Variants in SYNPR observed in about 807,000 individuals in gnomAD.
The protein encoded by SYNPR is synaptoporin.
In SYNPR, 23 loss-of-function variants were observed where a neutral mutation model predicts 32.9. The ratio of observed to expected loss-of-function variants is 0.70; its 90% CI spans 0.50 to 0.99. SYNPR has a LOEUF of 0.99. SYNPR is among the 50% of genes least tolerant of loss of function. The pLI, the probability that SYNPR is intolerant of heterozygous loss-of-function variation, is 0.00. For synonymous variants in SYNPR, 146 were observed against 135.9 expected, an observed-to-expected ratio of 1.07 and a Z score of -0.52; for missense variants, 318 against 349.3, an observed-to-expected ratio of 0.91 and a Z score of 0.71.
At chr3:63,417,933 G>T (rs898510954) in intron 2 of SYNPR, among the ~76,000 whole-genome samples, 1 of 152,166 alleles carries the variant, frequency 6.6e-6, no homozygotes, top group Admixed American at 6.5e-5. Flanking sequence ...ACATACTCTG[G>T]AGACATTTTC....
At chr3:63,341,847 A>G (rs889376614) in intron 2 of SYNPR, among the ~76,000 whole-genome samples, 2 of 152,072 alleles carry the variant, frequency 1.3e-5, no homozygotes, top group African/African-American at 4.8e-5. Context: ...TTTAATGTTA[A>G]TGTTTTTAAT....
Position 63,417,841 on chromosome 3 carries a change from C to T in SYNPR, c.85-62991C>T, listed in dbSNP as rs569300525. Among the ~76,000 whole-genome samples, 54 of 152,300 alleles carry T rather than the reference C, an allele frequency of 3.5e-4. 1 individual carries two copies. Among genetic ancestry groups the T allele is most frequent in the Admixed American group, 3.1e-3 (48 of 15,300 alleles). The stretch of plus-strand genomic sequence containing the variant: ...TCCTAGACTGCTCACAGCAGAGGGA[C>T]CCAGGGCCCAGCCTATGAAACCACT... On this transcript the variant is annotated intron_variant, in intron 2 of 5. Coordinates refer to ENST00000478300, the MANE Select transcript of SYNPR (RefSeq NM_001130003.2).
At chr3:63,227,851 G>A (rs1264387690), upstream of SYNPR, among the ~76,000 whole-genome samples, 2 of 152,130 alleles carry the variant, frequency 1.3e-5, no homozygotes, top group African/African-American at 4.8e-5. Context: ...AACTCCAAGA[G>A]TTAGAAGAGC....
chr3:63,353,916 T>C (rs1456399158), intron 2 of SYNPR, among the ~76,000 whole-genome samples: 1 of 152,214 alleles, frequency 6.6e-6, no homozygotes, highest in Non-Finnish European at 1.5e-5. Context: ...GATCAACTAA[T>C]GCTTTAAATG....
At chr3:63,566,552 A>C (rs975216906) in intron 4 of SYNPR, among the ~76,000 whole-genome samples, 10 of 152,130 alleles carry the variant, frequency 6.6e-5, no homozygotes, top group Non-Finnish European at 1.2e-4. Flanking sequence ...TCCTAGCCTC[A>C]AACTACCTGC....
At chr3:63,504,222 T>G (rs6445355) in intron 3 of SYNPR, among the ~76,000 whole-genome samples, 43,419 of 152,006 alleles carry the variant, frequency 0.29, 7,181 homozygotes, top group African/African-American at 0.46. Flanking sequence ...TTGGGAATAT[T>G]ATAAAATTAG....
chr3:63,379,063 T>C (rs114872588), intron 2 of SYNPR, among the ~76,000 whole-genome samples: 2 of 152,194 alleles, frequency 1.3e-5, no homozygotes, highest in Non-Finnish European at 2.9e-5. Context: ...AAATCATAAA[T>C]GTAGCATGCA....
intron 2 of SYNPR, among the ~76,000 whole-genome samples, chr3:63,304,958 A>G (rs1052887336): frequency 6.6e-6 from 1 of 151,946 alleles, no homozygotes; most frequent in Non-Finnish European, 1.5e-5. Flanking sequence ...CAGTGGAGAA[A>G]GTTATATTCT....
At chr3:63,279,112 G>A (rs940030582) in intron 2 of SYNPR, among the ~76,000 whole-genome samples, 2 of 152,160 alleles carry the variant, frequency 1.3e-5, no homozygotes, top group African/African-American at 4.8e-5. Context: ...GTGGGGATGA[G>A]GGGATGGGTG....
chr3:63,301,833 G>T (rs1268214360), intron 2 of SYNPR, among the ~76,000 whole-genome samples: 1 of 151,966 alleles, frequency 6.6e-6, no homozygotes, highest in African/African-American at 2.4e-5. Context: ...TTCTCATCTT[G>T]TCTTCTCCAG....
chr3:63,368,960 C>A (rs2087763544), intron 2 of SYNPR, among the ~76,000 whole-genome samples: 1 of 152,142 alleles, frequency 6.6e-6, no homozygotes, highest in South Asian at 2.1e-4. Flanking sequence ...AGAAATAAAT[C>A]CTCTGTACTC....
intron 2 of SYNPR, among the ~76,000 whole-genome samples, chr3:63,411,214 G>C (rs906813363): frequency 2.6e-5 from 4 of 152,102 alleles, no homozygotes; most frequent in Non-Finnish European, 4.4e-5. Flanking sequence ...GGAAGTTAAA[G>C]TCTGAGGAGT....
chr3:63,374,628 A>C (rs2087863009), intron 2 of SYNPR, among the ~76,000 whole-genome samples: 1 of 152,258 alleles, frequency 6.6e-6, no homozygotes, highest in South Asian at 2.1e-4. Flanking sequence ...ATTCTATTGT[A>C]TGATCAATCA....
At chr3:63,235,680 C>T (rs2086196065) in intron 1 of SYNPR, among the ~76,000 whole-genome samples, 1 of 152,158 alleles carries the variant, frequency 6.6e-6, no homozygotes, top group Non-Finnish European at 1.5e-5. Flanking sequence ...GGACTCCCTT[C>T]TGTACCTAAC....
chr3:63,603,185 C>A (rs993540933), intron 4 of SYNPR, among the ~76,000 whole-genome samples: 2 of 152,120 alleles, frequency 1.3e-5, no homozygotes, highest in Non-Finnish European at 2.9e-5. Context: ...GATATTTGTA[C>A]ACTGATTTTG....
upstream of SYNPR, among the ~76,000 whole-genome samples, chr3:63,223,373 G>C (rs1208781330): frequency 8.6e-6 from 1 of 116,548 alleles, no homozygotes; most frequent in Non-Finnish European, 2.0e-5. Flanking sequence ...GCTCCTCCAG[G>C]TTTTTCCCTG....
chr3:63,295,330 T>C (rs2106935101), intron 2 of SYNPR, among the ~76,000 whole-genome samples: 1 of 152,314 alleles, frequency 6.6e-6, no homozygotes, highest in South Asian at 2.1e-4. Context: ...ATCATTATTT[T>C]CCCTCTTTTC....
At chr3:63,563,364 G>A (rs540120814) in intron 4 of SYNPR, among the ~76,000 whole-genome samples, 1 of 152,284 alleles carries the variant, frequency 6.6e-6, no homozygotes, top group East Asian at 1.9e-4. Context: ...CCATCACTAA[G>A]GGAAGAAAAT....
intron 3 of SYNPR, among the ~76,000 whole-genome samples, chr3:63,534,017 C>G (rs1394902): frequency 6.6e-6 from 1 of 152,024 alleles, no homozygotes; most frequent in African/African-American, 2.4e-5. Flanking sequence ...AACACTCTTA[C>G]AGCTAGTAGG....
Sources: gnomAD v4.1 joint callset for allele counts (sites outside exome capture counted in the v4.1 genomes callset) on GRCh38, gnomAD v4.1.1 for gene constraint, MANE v1.5 for transcripts, NCBI Gene and HGNC (gene_info 2026-07-23, HGNC 2026-07-21) for gene names.